Variants in POLE observed in about 807,000 individuals in gnomAD.
POLE encodes the protein DNA polymerase epsilon, catalytic subunit.
Under a neutral mutation model 279.2 loss-of-function variants are expected in POLE, and 188 were observed. The ratio of observed to expected loss-of-function variants is 0.67; its 90% CI spans 0.60 to 0.76. The LOEUF is 0.76. Ranked by LOEUF, POLE falls within the 30% of genes least tolerant of loss-of-function variation. The pLI is 0.00. For missense variants in POLE, 2,703 were observed against 3,016.7 expected (o/e 0.90, Z 2.44); for synonymous variants, 1,214 against 1,172.5 (o/e 1.04, Z -0.72).
intron 23 of POLE, among the ~76,000 whole-genome samples, chr12:132,662,679 A>T (rs1251789639): frequency 1.3e-5 from 2 of 152,180 alleles, no homozygotes; most frequent in Admixed American, 6.5e-5. Context: ...TGGAGCAGGG[A>T]AAATACAAGA....
intron 45 of POLE, among the ~76,000 whole-genome samples, chr12:132,626,610 TCC>T (rs1332049561): frequency 6.8e-6 from 1 of 147,268 alleles, no homozygotes; most frequent in Non-Finnish European, 1.5e-5. Context: ...GAGGCCAGCA[TCC>T]CCTGATACTA....
At chr12:132,650,502 C>T (rs769292377) in intron 29 of POLE, 1 of 152,890 alleles carries the variant, frequency 6.5e-6, no homozygotes, top group African/African-American at 2.4e-5. Context: ...GTGGTCCCAG[C>T]TACTTGGGAG....
In POLE at chr12:132,677,461, T is replaced by G; in HGVS notation, c.721-18A>C. 1 of 1,611,820 alleles carries G rather than the reference T, an allele frequency of 6.2e-7. No individual in the cohort carries two copies. ...CAATGAGCCTGCAAAACACACAGTG[T>G]GCTAACTAGAGTTCTACATCCAGGA... On this transcript the variant is annotated intron_variant, in intron 7 of 48. Transcript: ENST00000320574.
Position 132,642,570 on chromosome 12 carries a change from G to T in POLE, c.4888C>A (p.Arg1630=), listed in dbSNP as rs148076304. 2 of 1,613,384 alleles carry T rather than the reference G, an allele frequency of 1.2e-6. No individual in the cohort carries two copies. Among genetic ancestry groups the T allele is most frequent in the Admixed American group, 3.3e-5 (2 of 60,012 alleles). The part of the protein sequence containing the change: ...GVLDWQRHGA[R]RMIRHYLNLD... ...TTGAGGTAGTGACGGATCATGCGCC[G>T]GGCTCCATGGCGCTGCCAGTCCAGG... is the stretch of plus-strand genomic sequence containing the variant. The change falls in exon 37 of 49, where the codon CGG becomes AGG. Residue 1630 remains arginine (R), a synonymous_variant. Transcript: ENST00000320574.
rs779530987 is a variant in POLE at position 132,679,884 on chromosome 12, C to T, written c.423+70G>A. 1.2e-4 allele frequency: 143 copies of T among 1,208,174 alleles called. No individual in the cohort carries two copies. Among genetic ancestry groups the T allele is most frequent in the Middle Eastern group, 2.0e-4 (1 of 5,074 alleles). The allele number at this position is 1,208,174 out of a possible 1,614,324, so 74.8% of individuals were successfully genotyped here. ...AGATGACCTGAATTTCTACCTCTTC[C>T]GATCCCACCTGCCAGGAACAATGTA... On this transcript the variant is annotated intron_variant, in intron 5 of 48. Coordinates refer to ENST00000320574, the MANE Select transcript of POLE (RefSeq NM_006231.4).
rs757867565 is a variant in POLE, at chr12:132,672,735, C to T, written c.1578G>A (p.Lys526=). The change falls in exon 15 of 49, where the codon AAG becomes AAA. Residue 526 remains lysine, a synonymous_variant. Transcript: ENST00000320574. ...FPNKQEQEFN[K]LTDDGHVLDS... ...CCAGCACGTGTCCGTCGTCCGTCAG[C>T]TTATTGAACTCCTGCTCTTGCTTGT... The T allele has an allele frequency of 6.2e-7, 1 of 1,614,198 alleles. No individual in the cohort carries two copies. Among genetic ancestry groups the T allele is most frequent in the South Asian group, 1.1e-5 (1 of 91,086 alleles).
Position 132,679,646 on chromosome 12 carries a change from A to C in POLE, c.429T>G (p.Asn143Lys). The C allele has an allele frequency of 6.2e-7, 1 of 1,608,892 alleles. No individual in the cohort carries two copies. The highest frequency in any genetic ancestry group is 8.5e-7 in the Non-Finnish European group (1 of 1,175,480). ...TVPKEDLDLP[N>K]HLVGLKRNYI... ...AATTTCGCTTCAAACCCACCAAGTG[A>C]TTTGGCTATAATGCGAAGAGATCAC... Residue 143 changes from asparagine (N) to lysine (K), a missense_variant, in exon 6 of 49, where the codon AAT becomes AAG. By Grantham distance (94) the Asn-to-Lys change is moderately conservative (BLOSUM62 0). This residue lies in a region of POLE where 1,011 missense variants were observed against 1,111.7 expected (regional missense o/e 0.91). Transcript: ENST00000320574.
At chr12:132,636,939 T>C (rs2042047432) in intron 41 of POLE, among the ~76,000 whole-genome samples, 1 of 152,222 alleles carries the variant, frequency 6.6e-6, no homozygotes, top group Admixed American at 6.5e-5. Flanking sequence ...AGCCTGTTTC[T>C]CGACATGAGC....
At position 132,659,509 on chromosome 12, in the gene POLE, C is replaced by T. The variant is rs2042633028; in HGVS notation, c.3061G>A (p.Ala1021Thr). Reference protein sequence around the residue: ...DYWLDVLYSKAANMPDSELFE... With the variant: ...DYWLDVLYSKTANMPDSELFE... ...AGCTCAGAGTCAGGCATGTTGGCTG[C>T]CTAGAGAAAGACAATGGGTAAAACA... Residue 1021 changes from alanine to threonine, a missense_variant and splice_region_variant, in exon 26 of 49, where the codon GCA (alanine) becomes ACA (threonine). Physicochemically the swap from Ala to Thr is moderately conservative, Grantham distance 58 (BLOSUM62 0). This residue lies in a region of POLE where 1,551 missense variants were observed against 1,686.1 expected (regional missense o/e 0.92). Transcript: ENST00000320574. 6.2e-7 allele frequency: 1 copy of T among 1,613,458 alleles called. No individual in the cohort carries two copies. Among genetic ancestry groups the T allele is most frequent in the African/African-American group, 1.3e-5 (1 of 75,020 alleles).
intron 27 of POLE, among the ~76,000 whole-genome samples, 192 bp from the exon 28 acceptor site, chr12:132,657,621 G>C (rs955242204): frequency 6.6e-6 from 1 of 152,216 alleles, no homozygotes; most frequent in Non-Finnish European, 1.5e-5. Flanking sequence ...AGATCACAGA[G>C]CTAGTAGGTG....
Position 132,664,357 on chromosome 12 carries a change from C to G in POLE, c.2561+13G>C, listed in dbSNP as rs2042744672. On this transcript the variant is annotated intron_variant, in intron 22 of 48. Coordinates refer to ENST00000320574, the MANE Select transcript of POLE (RefSeq NM_006231.4). The surrounding 1 kb of genome is among the most constrained non-coding windows in gnomAD (Gnocchi z 5.3). ...ACCTGCTCCCAGCCCCACGGCTCCCCTTCTGCACTCACCCAATCTGCTCGA... is the reference window on the plus strand; with the variant it reads ...ACCTGCTCCCAGCCCCACGGCTCCCGTTCTGCACTCACCCAATCTGCTCGA... 2 of 1,612,236 alleles carry G rather than the reference C, an allele frequency of 1.2e-6. No homozygotes were observed. Among genetic ancestry groups the G allele is most frequent in the Admixed American group, 1.7e-5 (1 of 59,998 alleles).
chr12:132,625,926 T>C, intron 46 of POLE, 156 bp from the exon 47 acceptor site: 1 of 1,166,626 alleles, frequency 8.6e-7, no homozygotes, highest in South Asian at 1.5e-5. Context: ...CACCTGCACT[T>C]GAGCCCTTCC....
chr12:132,677,783 T>C, intron 6 of POLE, 64 bp from the exon 7 acceptor site: 1 of 1,505,670 alleles, frequency 6.6e-7, no homozygotes, highest in Non-Finnish European at 9.2e-7. Context: ...AGACCAGAGT[T>C]CCAACTCAGT....
chr12:132,681,065 T>G, intron 2 of POLE, 73 bp downstream of exon 2: 1 of 1,552,254 alleles, frequency 6.4e-7, no homozygotes. Flanking sequence ...CCCCCACTCT[T>G]TAGATAAGGA....
chr12:132,635,230 G>A (rs981197894), intron 42 of POLE, among the ~76,000 whole-genome samples: 1 of 152,072 alleles, frequency 6.6e-6, no homozygotes, highest in South Asian at 2.1e-4. Context: ...GACTGCTCCC[G>A]ACAGCCACCT....
intron 1 of POLE, among the ~76,000 whole-genome samples, 185 bp from the exon 2 acceptor site, chr12:132,681,464 C>T (rs1453127470): frequency 6.6e-6 from 1 of 152,130 alleles, no homozygotes. Flanking sequence ...CTGCCTCAGC[C>T]TCCCGAGTAG....
chr12:132,681,131 T>A lies in POLE; in HGVS notation c.204+7A>T, dbSNP rs755338509. ...ATTCCTGGGTGGGAGAAGGACCTAG[T>A]GCTTACAGGATGCATGTTAATGAGC... On this transcript the variant is annotated splice_region_variant and intron_variant, in intron 2 of 48. Transcript: ENST00000320574. 1 of 1,614,026 alleles carries A rather than the reference T, an allele frequency of 6.2e-7. No individual in the cohort carries two copies. The highest frequency in any genetic ancestry group is 8.5e-7 in the Non-Finnish European group (1 of 1,179,994).
rs187690610 is a variant in POLE, at chr12:132,679,556, G to A, written c.519C>T (p.Ala173=). ...LVKVRKEISP[A]VKKNREQDHA... is the part of the protein sequence containing the mutation. ...GATCCTGCTCCCTGTTCTTCTTCACGGCAGGGGAGATCTCCTTCCTCACTT... is the reference window on the plus strand; with the variant it reads ...GATCCTGCTCCCTGTTCTTCTTCACAGCAGGGGAGATCTCCTTCCTCACTT... The change falls in exon 6 of 49, where the codon GCC becomes GCT. Residue 173 remains alanine (A), a synonymous_variant. Transcript: ENST00000320574. 6.6e-5 allele frequency: 106 copies of A among 1,614,028 alleles called. No individual in the cohort carries two copies. The Middle Eastern group carries it at 8.2e-4, about 13-fold the overall frequency.
At chr12:132,647,907 C>T (rs1056684697) in intron 32 of POLE, among the ~76,000 whole-genome samples, 7 of 152,106 alleles carry the variant, frequency 4.6e-5, no homozygotes, top group African/African-American at 1.4e-4. Context: ...CCTGGCTCTG[C>T]GTCTACTTTC....
Sources: allele counts gnomAD v4.1 joint callset (sites outside exome capture counted in the v4.1 genomes callset), GRCh38; gene constraint gnomAD v4.1.1; regional missense constraint gnomAD v4.1.1; non-coding constraint Gnocchi (gnomAD v3.1); transcripts MANE v1.5; gene names NCBI Gene and HGNC (gene_info 2026-07-23, HGNC 2026-07-21).